OSBPL6: variants seen among roughly 807,000 people sequenced by gnomAD.
OSBPL6 encodes oxysterol-binding protein-related protein 6.
In OSBPL6, 49 loss-of-function variants were observed where a neutral mutation model predicts 125.8. The ratio of observed to expected loss-of-function variants is 0.39; its 90% CI spans 0.31 to 0.49. The LOEUF (loss-of-function observed/expected upper bound fraction) is 0.49, where lower values mean the gene tolerates loss of function less well. Ranked by LOEUF, OSBPL6 falls within the 20% of genes least tolerant of loss-of-function variation. OSBPL6 has a pLI of 0.88. For missense variants in OSBPL6, 986 were observed against 1,135.4 expected, an observed-to-expected ratio of 0.87 and a Z score of 1.89; for synonymous variants, 394 against 391.8, an observed-to-expected ratio of 1.01 and a Z score of -0.07.
chr2:178,375,095 A>G (rs1056295193), intron 15 of OSBPL6, among the ~76,000 whole-genome samples: 1 of 152,220 alleles, frequency 6.6e-6, no homozygotes, highest in Non-Finnish European at 1.5e-5. Context: ...TCAGATGGAC[A>G]GAATAATCAT....
At chr2:178,279,448 A>G (rs974361656) in intron 1 of OSBPL6, among the ~76,000 whole-genome samples, 1 of 152,206 alleles carries the variant, frequency 6.6e-6, no homozygotes, top group African/African-American at 2.4e-5. Context: ...TTTTCCAGAG[A>G]CGCCCACTGG....
intron 18 of OSBPL6, among the ~76,000 whole-genome samples, chr2:178,384,436 A>C (rs138700560): frequency 2.6e-5 from 4 of 152,188 alleles, no homozygotes; most frequent in Non-Finnish European, 5.9e-5. Flanking sequence ...TTTTAGGGAG[A>C]TATGCACCAT....
At chr2:178,317,022 T>C (rs975730027) in intron 3 of OSBPL6, among the ~76,000 whole-genome samples, 2 of 152,154 alleles carry the variant, frequency 1.3e-5, no homozygotes, top group African/African-American at 4.8e-5. Flanking sequence ...TATCAAAATA[T>C]TGAAAAAGTT....
intron 1 of OSBPL6, among the ~76,000 whole-genome samples, chr2:178,269,653 C>A (rs539963061): frequency 7.2e-5 from 11 of 152,288 alleles, no homozygotes; most frequent in African/African-American, 2.6e-4. Flanking sequence ...ACTCATATTT[C>A]CAGACTCCAA....
chr2:178,370,348 C>A (rs1574993640), intron 13 of OSBPL6, among the ~76,000 whole-genome samples: 1 of 152,246 alleles, frequency 6.6e-6, no homozygotes, highest in East Asian at 1.9e-4. Context: ...TTACATGACA[C>A]CAAAGCATAT....
intron 12 of OSBPL6, among the ~76,000 whole-genome samples, chr2:178,352,639 G>A (rs1374786358): frequency 6.6e-6 from 1 of 152,192 alleles, no homozygotes; most frequent in Non-Finnish European, 1.5e-5. Flanking sequence ...TGCCTCTATA[G>A]ACTCCACCTC....
chr2:178,198,857 G>C (rs2089071920), intron 1 of OSBPL6, among the ~76,000 whole-genome samples: 1 of 152,114 alleles, frequency 6.6e-6, no homozygotes, highest in Admixed American at 6.6e-5. Flanking sequence ...TATAGAAATA[G>C]TACCCCCAAA....
intron 1 of OSBPL6, among the ~76,000 whole-genome samples, chr2:178,249,568 A>G (rs1286822597): frequency 6.6e-6 from 1 of 152,218 alleles, no homozygotes; most frequent in East Asian, 1.9e-4. Flanking sequence ...GAATAATAGA[A>G]TAAAATGTAC....
chr2:178,196,960 C>A (rs2088935925), intron 1 of OSBPL6, among the ~76,000 whole-genome samples: 1 of 151,602 alleles, frequency 6.6e-6, no homozygotes, highest in Non-Finnish European at 1.5e-5. Flanking sequence ...AGTTCACTGA[C>A]TTTCACTGCA....
At chr2:178,273,355 A>C (rs1559187791) in intron 1 of OSBPL6, among the ~76,000 whole-genome samples, 1 of 152,168 alleles carries the variant, frequency 6.6e-6, no homozygotes, top group Non-Finnish European at 1.5e-5. Context: ...TTGGGAGGCC[A>C]AGGCAGGTGA....
chr2:178,220,459 G>C (rs2090291692), intron 1 of OSBPL6, among the ~76,000 whole-genome samples: 1 of 151,774 alleles, frequency 6.6e-6, no homozygotes, highest in African/African-American at 2.4e-5. Context: ...ACCATGGCTG[G>C]GCCTTTTTTT....
chr2:178,390,727 C>T (rs1695333725), intron 21 of OSBPL6, among the ~76,000 whole-genome samples: 1 of 152,126 alleles, frequency 6.6e-6, no homozygotes. Context: ...ATTTCTGCAG[C>T]ATGGCCAATT....
chr2:178,376,439 C>T (rs1405695054), intron 15 of OSBPL6, among the ~76,000 whole-genome samples: 2 of 152,066 alleles, frequency 1.3e-5, no homozygotes, highest in Non-Finnish European at 2.9e-5. Context: ...CAGATTTGTA[C>T]ATCTTCCTGC....
chr2:178,371,444 G>A (rs765606224), intron 13 of OSBPL6, among the ~76,000 whole-genome samples: 7 of 152,202 alleles, frequency 4.6e-5, no homozygotes, highest in Non-Finnish European at 1.0e-4. Flanking sequence ...CTTAAAGCAT[G>A]TTGGAGGTAG....
At chr2:178,269,086 G>A (rs980250474) in intron 1 of OSBPL6, among the ~76,000 whole-genome samples, 1 of 152,184 alleles carries the variant, frequency 6.6e-6, no homozygotes, top group African/African-American at 2.4e-5. Flanking sequence ...GCAGGCCAGG[G>A]TATAGCTCTC....
Position 178,253,107 on chromosome 2 carries a change from C to T in OSBPL6, c.-350-31820C>T, listed in dbSNP as rs1366052859. Among the ~76,000 whole-genome samples the T allele has an allele frequency of 5.9e-5, 9 of 151,612 alleles. No homozygotes were observed. The East Asian group carries it at 1.7e-3, about 29-fold the overall frequency. The stretch of plus-strand genomic sequence containing the variant: ...CATGATCTCGGCTCACTGCAACCTC[C>T]ACCTCCCAGGTTCAAGCGATTCTCC... On this transcript the variant is annotated intron_variant, in intron 1 of 24. Coordinates refer to ENST00000190611, the MANE Select transcript of OSBPL6 (RefSeq NM_032523.4).
At chr2:178,236,434 T>A (rs1250195460) in intron 1 of OSBPL6, among the ~76,000 whole-genome samples, 1 of 152,224 alleles carries the variant, frequency 6.6e-6, no homozygotes, top group African/African-American at 2.4e-5. Context: ...ATCATCCTTC[T>A]GCACTTGCAG....
At chr2:178,215,495 A>G (rs2090056882) in intron 1 of OSBPL6, among the ~76,000 whole-genome samples, 1 of 152,242 alleles carries the variant, frequency 6.6e-6, no homozygotes, top group East Asian at 1.9e-4. Context: ...GGATTGTGGT[A>G]GACAAATAAG....
At chr2:178,305,713 G>A (rs895078544) in intron 2 of OSBPL6, among the ~76,000 whole-genome samples, 4 of 152,164 alleles carry the variant, frequency 2.6e-5, no homozygotes, top group Admixed American at 6.5e-5. Flanking sequence ...TTACGTTTCC[G>A]GAGGAGAATC....
Sources: gnomAD v4.1 joint callset for allele counts (sites outside exome capture counted in the v4.1 genomes callset) on GRCh38, gnomAD v4.1.1 for gene constraint, MANE v1.5 for transcripts, NCBI Gene and HGNC (gene_info 2026-07-23, HGNC 2026-07-21) for gene names.